Variants in CFTR observed in about 807,000 individuals in gnomAD.
CFTR encodes CF transmembrane conductance regulator, also known as cystic fibrosis transmembrane conductance regulator.
Under a neutral mutation model 171.6 loss-of-function variants are expected in CFTR, and 181 were observed. That is an observed-to-expected ratio of 1.05 (90% CI 0.93 to 1.19). CFTR has a LOEUF of 1.19. Among genes scored for constraint, CFTR ranks in the 50% most tolerant of loss-of-function variants. The pLI, the probability that CFTR is intolerant of heterozygous loss-of-function variation, is 0.00. For missense variants in CFTR, 1,968 were observed against 1,734.7 expected (o/e 1.13, Z -2.39); for synonymous variants, 583 against 608.0 (o/e 0.96, Z 0.60).
intron 3 of CFTR, among the ~76,000 whole-genome samples, chr7:117,530,394 T>C (rs1246938971): frequency 6.6e-6 from 1 of 152,126 alleles, no homozygotes; most frequent in African/African-American, 2.4e-5. Context: ...CAAAACACTT[T>C]TGAAAGTTCT....
At chr7:117,593,313 T>G (rs1261537404) in intron 14 of CFTR, among the ~76,000 whole-genome samples, 1 of 152,202 alleles carries the variant, frequency 6.6e-6, no homozygotes, top group African/African-American at 2.4e-5. Flanking sequence ...CAGGAAATAA[T>G]ATAAAAAGGA....
At chr7:117,558,842 A>G (rs1799406089) in intron 10 of CFTR, among the ~76,000 whole-genome samples, 1 of 152,008 alleles carries the variant, frequency 6.6e-6, no homozygotes, top group African/African-American at 2.4e-5. Flanking sequence ...AACTTTTCTT[A>G]TTGTCAGGAC....
intron 22 of CFTR, among the ~76,000 whole-genome samples, chr7:117,628,872 G>C (rs978012349): frequency 1.4e-4 from 21 of 151,752 alleles, no homozygotes; most frequent in African/African-American, 5.1e-4. Context: ...TTTTTCCTGG[G>C]GTCGCCAAGA....
At chr7:117,554,665 T>G (rs928050703) in intron 10 of CFTR, among the ~76,000 whole-genome samples, 1 of 151,594 alleles carries the variant, frequency 6.6e-6, no homozygotes, top group East Asian at 1.9e-4. Flanking sequence ...GTTAAGGAGG[T>G]GGGTGAAGAA....
intron 11 of CFTR, among the ~76,000 whole-genome samples, chr7:117,583,718 G>A (rs1269469660): frequency 6.6e-6 from 1 of 151,904 alleles, no homozygotes. Context: ...TCGAATGGTA[G>A]TTCTCCTTTT....
chr7:117,550,499 T>C (rs1009702367), intron 10 of CFTR, among the ~76,000 whole-genome samples: 1 of 152,182 alleles, frequency 6.6e-6, no homozygotes, highest in African/African-American at 2.4e-5. Flanking sequence ...TTCTTTTATA[T>C]CTTGTATATT....
intron 1 of CFTR, among the ~76,000 whole-genome samples, chr7:117,501,792 A>G (rs199765577): frequency 6.0e-5 from 9 of 149,820 alleles, no homozygotes; most frequent in Non-Finnish European, 7.4e-5. Context: ...AAAAAAAAAA[A>G]CAAAAAGCAA....
intron 3 of CFTR, among the ~76,000 whole-genome samples, chr7:117,523,937 A>G (rs1798727408): frequency 6.6e-6 from 1 of 152,240 alleles, no homozygotes; most frequent in African/African-American, 2.4e-5. Context: ...CTTGGTTGCT[A>G]AAATATTTCT....
intron 24 of CFTR, among the ~76,000 whole-genome samples, chr7:117,659,266 A>G (rs927417618): frequency 6.6e-6 from 1 of 151,244 alleles, no homozygotes; most frequent in African/African-American, 2.4e-5. Context: ...GTACCCTATA[A>G]CTCCACCCCT....
chr7:117,484,899 T>G (rs1798047810), intron 1 of CFTR, among the ~76,000 whole-genome samples: 1 of 152,098 alleles, frequency 6.6e-6, no homozygotes, highest in Admixed American at 6.5e-5. Flanking sequence ...GTTTTAATAT[T>G]TAATTCCTTG....
At chr7:117,571,046 C>T (rs913851886) in intron 11 of CFTR, among the ~76,000 whole-genome samples, 3 of 152,074 alleles carry the variant, frequency 2.0e-5, no homozygotes, top group African/African-American at 4.8e-5. Context: ...TCATCTTTTT[C>T]CTCTCCCCTT....
intron 11 of CFTR, among the ~76,000 whole-genome samples, chr7:117,566,860 G>A (rs530929456): frequency 6.6e-6 from 1 of 152,272 alleles, no homozygotes; most frequent in African/African-American, 2.4e-5. Flanking sequence ...CCAAAAGTGT[G>A]AGCTAGGTTT....
intron 21 of CFTR, among the ~76,000 whole-genome samples, chr7:117,617,223 C>T (rs1792504403): frequency 2.0e-5 from 3 of 150,162 alleles, no homozygotes; most frequent in African/African-American, 7.3e-5. Context: ...CTAGTTTAGA[C>T]AAAAACACAG....
chr7:117,629,892 T>A (rs1279239031), intron 22 of CFTR, among the ~76,000 whole-genome samples: 2 of 152,218 alleles, frequency 1.3e-5, no homozygotes, highest in East Asian at 1.9e-4. Flanking sequence ...CAGAAATGAT[T>A]GCTTTTATTT....
chr7:117,604,594 T>C (rs931708570), intron 17 of CFTR, among the ~76,000 whole-genome samples: 4 of 152,152 alleles, frequency 2.6e-5, no homozygotes, highest in Non-Finnish European at 5.9e-5. Context: ...ACTAAAATTT[T>C]CAGAAATCTA....
intron 11 of CFTR, among the ~76,000 whole-genome samples, chr7:117,579,334 T>C (rs1050398967): frequency 2.6e-5 from 4 of 151,978 alleles, no homozygotes; most frequent in African/African-American, 7.2e-5. Context: ...CCAATGAGGT[T>C]GGTTTTGAAA....
At chr7:117,636,768 C>CTTTT (rs1332076011) in intron 22 of CFTR, among the ~76,000 whole-genome samples, 1 of 150,492 alleles carries the variant, frequency 6.6e-6, no homozygotes, top group Non-Finnish European at 1.5e-5. Context: ...TTCTCTTCTG[C>CTTTT]TTTTCATCTG....
At chr7:117,576,443 A>C (rs937369704) in intron 11 of CFTR, among the ~76,000 whole-genome samples, 11 of 152,152 alleles carry the variant, frequency 7.2e-5, no homozygotes, top group African/African-American at 2.7e-4. Flanking sequence ...CATATGTTAC[A>C]TGCAAATACT....
At chr7:117,644,795 G>A (rs973838425) in intron 23 of CFTR, among the ~76,000 whole-genome samples, 2 of 152,100 alleles carry the variant, frequency 1.3e-5, no homozygotes, top group African/African-American at 4.8e-5. Context: ...AAATTTCAAG[G>A]TGGAGCCTCC....
Sources: allele counts gnomAD v4.1 joint callset (sites outside exome capture counted in the v4.1 genomes callset), GRCh38; gene constraint gnomAD v4.1.1; transcripts MANE v1.5; gene names NCBI Gene and HGNC (gene_info 2026-07-23, HGNC 2026-07-21).